UBE2H: variants seen among roughly 807,000 people sequenced by gnomAD.
UBE2H encodes the protein ubiquitin-conjugating enzyme E2 H.
In UBE2H, 3 loss-of-function variants were observed where a neutral mutation model predicts 29.0. The observed-to-expected ratio is 0.10, with a 90% confidence interval of 0.05 to 0.27. The LOEUF (loss-of-function observed/expected upper bound fraction) is 0.27, where lower values mean the gene tolerates loss of function less well. UBE2H is among the 10% of genes least tolerant of loss of function. UBE2H has a pLI of 1.00. For missense variants in UBE2H, 68 were observed against 228.2 expected, an observed-to-expected ratio of 0.30 and a Z score of 4.52; for synonymous variants, 69 against 82.9, an observed-to-expected ratio of 0.83 and a Z score of 0.91.
At chr7:129,932,185 G>A (rs1237159222) in intron 1 of UBE2H, among the ~76,000 whole-genome samples, 6 of 150,380 alleles carry the variant, frequency 4.0e-5, no homozygotes, top group Non-Finnish European at 5.9e-5. Context: ...GTGCAGTGGC[G>A]CAATCTCGGC....
chr7:129,946,677 GCT>G lies in UBE2H; in HGVS notation c.53+5824_53+5825del, dbSNP rs1476557654. Reference sequence around the variant, plus strand: ...TTTTTGTTTTTTGAGATGGAATCTTGCTCTGTCCCCCGGGCTGGAGTGCAGTG... The same window carrying G: ...TTTTTGTTTTTTGAGATGGAATCTTGCTGTCCCCCGGGCTGGAGTGCAGTG... On this transcript the variant is annotated intron_variant, in intron 1 of 6. Coordinates refer to ENST00000355621, the MANE Select transcript of UBE2H (RefSeq NM_003344.4). 2.0e-5 allele frequency among the ~76,000 whole-genome samples: 3 copies of G among 152,092 alleles called. No homozygotes were observed. The East Asian group carries it at 5.8e-4, about 29-fold the overall frequency.
At position 129,929,557 on chromosome 7, in the gene UBE2H, A is replaced by G. The variant is rs770556357; in HGVS notation, c.53+22946T>C. Reference sequence around the variant, plus strand: ...AATTTCAAAGATGTTAAGATGTGGGAAAAAAAGGTCTCAGAATCTATAAAA... The same window carrying G: ...AATTTCAAAGATGTTAAGATGTGGGGAAAAAAGGTCTCAGAATCTATAAAA... On this transcript the variant is annotated intron_variant, in intron 1 of 6. Coordinates refer to ENST00000355621, the MANE Select transcript of UBE2H (RefSeq NM_003344.4). 5.3e-5 allele frequency among the ~76,000 whole-genome samples: 8 copies of G among 152,242 alleles called. No homozygotes were observed. The South Asian group carries it at 1.7e-3, about 32-fold the overall frequency.
At chr7:129,929,590 T>G (rs1807345786) in intron 1 of UBE2H, among the ~76,000 whole-genome samples, 3 of 152,190 alleles carry the variant, frequency 2.0e-5, no homozygotes, top group Non-Finnish European at 4.4e-5. Flanking sequence ...AAATACAAGA[T>G]AAACCAGACA....
intron 5 of UBE2H, among the ~76,000 whole-genome samples, chr7:129,843,786 C>T (rs753789038): frequency 3.3e-5 from 5 of 152,188 alleles, no homozygotes; most frequent in South Asian, 2.1e-4. Flanking sequence ...ACACAGCGAA[C>T]GGAAGGCTCC....
intron 3 of UBE2H, among the ~76,000 whole-genome samples, chr7:129,871,452 C>T (rs1418375007): frequency 1.3e-5 from 2 of 152,166 alleles, no homozygotes; most frequent in Non-Finnish European, 2.9e-5. Context: ...CGTTGGCTCA[C>T]GCCTGTAATC....
intron 1 of UBE2H, among the ~76,000 whole-genome samples, chr7:129,899,956 C>T (rs118174375): frequency 0.063 from 9,542 of 152,012 alleles, 367 homozygotes; most frequent in Non-Finnish European, 0.092. Flanking sequence ...GGCAAAACCC[C>T]GTCTCTCTAC....
At chr7:129,863,466 T>C (rs1481394927) in intron 3 of UBE2H, among the ~76,000 whole-genome samples, 22 of 152,180 alleles carry the variant, frequency 1.4e-4, no homozygotes, top group Admixed American at 1.4e-3. Flanking sequence ...TCTCCACTCT[T>C]ACTCTATTTC....
In UBE2H at chr7:129,834,799, T is replaced by C; in HGVS notation, c.*138A>G. ...TCAAGATCTAAAGGGTGATATATAA[T>C]ATATATATATCAATGCTATTATTCA... On this transcript the variant is annotated 3_prime_UTR_variant, in exon 7 of 7. Transcript: ENST00000355621. 1.2e-6 allele frequency: 1 copy of C among 852,252 alleles called. No individual in the cohort carries two copies. Among genetic ancestry groups the C allele is most frequent in the Non-Finnish European group, 1.7e-6 (1 of 585,974 alleles). The allele number at this position is 852,252 out of a possible 1,614,324, so 52.8% of individuals were successfully genotyped here.
intron 1 of UBE2H, among the ~76,000 whole-genome samples, chr7:129,890,216 G>A (rs1282237311): frequency 6.6e-6 from 1 of 151,588 alleles, no homozygotes; most frequent in Non-Finnish European, 1.5e-5. Flanking sequence ...TCTCAGACAG[G>A]TAAAGTGATA....
chr7:129,900,078 C>T (rs985293867), intron 1 of UBE2H, among the ~76,000 whole-genome samples: 1 of 151,112 alleles, frequency 6.6e-6, no homozygotes, highest in South Asian at 2.1e-4. Context: ...TGCAGTGACC[C>T]GAGATCACAT....
chr7:129,879,165 A>G (rs560375050), intron 3 of UBE2H, among the ~76,000 whole-genome samples: 2 of 152,362 alleles, frequency 1.3e-5, no homozygotes, highest in African/African-American at 4.8e-5. Context: ...ACAAAAAAGC[A>G]AAGTAGGATC....
intron 3 of UBE2H, among the ~76,000 whole-genome samples, chr7:129,862,755 G>A (rs541087686): frequency 7.9e-5 from 12 of 152,348 alleles, no homozygotes; most frequent in Non-Finnish European, 1.6e-4. Context: ...TGATGTCACA[G>A]AGGTGATCAG....
At chr7:129,891,345 CT>C (rs1206920979) in intron 1 of UBE2H, among the ~76,000 whole-genome samples, 2 of 151,924 alleles carry the variant, frequency 1.3e-5, no homozygotes, top group South Asian at 2.1e-4. Context: ...GCCACCGCAC[CT>C]GGCTAAATCT....
At chr7:129,930,225 G>A (rs757515073) in intron 1 of UBE2H, among the ~76,000 whole-genome samples, 8 of 152,014 alleles carry the variant, frequency 5.3e-5, no homozygotes, top group Non-Finnish European at 1.0e-4. Context: ...GTAATGGCAC[G>A]ATCTCGGCTC....
At chr7:129,944,859 C>T (rs1807731209) in intron 1 of UBE2H, among the ~76,000 whole-genome samples, 3 of 151,686 alleles carry the variant, frequency 2.0e-5, no homozygotes. Flanking sequence ...TGGTAATAGC[C>T]CAAAACTGGA....
At position 129,835,010 on chromosome 7, in the gene UBE2H, C is replaced by T; in HGVS notation, c.479G>A (p.Gly160Asp). ...TEEALKEQEE[G>D]TGDSSSESSM... The stretch of plus-strand genomic sequence containing the variant: ...GCTCTCCGATGAGCTGTCCCCGGTA[C>T]CCTCTTCCTGTTCTTTCAGCGCCTC... The change falls in exon 7 of 7, where the codon GGT (glycine) becomes GAT (aspartate). Residue 160 changes from glycine (G) to aspartate (D), a missense_variant. Gly to Asp is a moderately conservative substitution (Grantham distance 94). This residue lies in a region of UBE2H where 25 missense variants were observed against 32.4 expected (regional missense o/e 0.77). Coordinates refer to ENST00000355621, the MANE Select transcript of UBE2H (RefSeq NM_003344.4). The T allele has an allele frequency of 1.9e-6, 3 of 1,614,084 alleles. No homozygotes were observed. The highest frequency in any genetic ancestry group is 1.1e-5 in the South Asian group (1 of 91,068).
At chr7:129,838,011 C>A (rs1411145837) in intron 6 of UBE2H, among the ~76,000 whole-genome samples, 2 of 152,162 alleles carry the variant, frequency 1.3e-5, no homozygotes, top group East Asian at 1.9e-4. Context: ...TCCAAGATAT[C>A]TGTGGTTTGC....
At chr7:129,853,799 T>C (rs1168963542) in intron 5 of UBE2H, among the ~76,000 whole-genome samples, 1 of 152,184 alleles carries the variant, frequency 6.6e-6, no homozygotes, top group African/African-American at 2.4e-5. Context: ...TGTTGTTTAA[T>C]ATCAGGCTAT....
At position 129,920,720 on chromosome 7, in the gene UBE2H, G is replaced by C. The variant is rs186660142; in HGVS notation, c.53+31783C>G. On this transcript the variant is annotated intron_variant, in intron 1 of 6. Coordinates refer to ENST00000355621, the MANE Select transcript of UBE2H (RefSeq NM_003344.4). ...TGTTATTACCTCAAAAAAAAGTTCTGAAGACAATGTTAAAATCTGACAACT... is the reference window on the plus strand; with the variant it reads ...TGTTATTACCTCAAAAAAAAGTTCTCAAGACAATGTTAAAATCTGACAACT... Among the ~76,000 whole-genome samples the C allele has an allele frequency of 1.1e-4, 17 of 151,980 alleles. 1 individual carries two copies. In the East Asian group the frequency reaches 2.9e-3, roughly 26 times the overall value.
Sources: gnomAD v4.1 joint callset for allele counts (sites outside exome capture counted in the v4.1 genomes callset) on GRCh38, gnomAD v4.1.1 for gene constraint, gnomAD v4.1.1 regional missense constraint, MANE v1.5 for transcripts, NCBI Gene and HGNC (gene_info 2026-07-23, HGNC 2026-07-21) for gene names.